KIF6: variants seen among roughly 807,000 people sequenced by gnomAD.
The protein encoded by KIF6 is kinesin family member 6, also known as kinesin-like protein KIF6.
In KIF6, 106 loss-of-function variants were observed where a neutral mutation model predicts 112.7. The observed-to-expected ratio is 0.94, with a 90% CI of 0.80 to 1.11. The LOEUF (loss-of-function observed/expected upper bound fraction) is 1.11, where lower values mean the gene tolerates loss of function less well. KIF6 is among the 50% of genes least tolerant of loss of function. The probability of loss-of-function intolerance (pLI) is 0.00; values close to 1 mark genes in which losing one functional copy is unlikely to be tolerated. For synonymous variants in KIF6, 339 were observed against 339.9 expected (o/e 1.00, Z 0.03); for missense variants, 929 against 964.0 (o/e 0.96, Z 0.48).
intron 4 of KIF6, among the ~76,000 whole-genome samples, chr6:39,635,168 C>A (rs957477674): frequency 2.0e-5 from 3 of 151,922 alleles, no homozygotes; most frequent in African/African-American, 7.2e-5. Context: ...TGATTACAAG[C>A]AACTTCAGTC....
At chr6:39,376,877 G>GA (rs538590804) in intron 16 of KIF6, among the ~76,000 whole-genome samples, 34 of 151,146 alleles carry the variant, frequency 2.2e-4, no homozygotes, top group South Asian at 6.3e-4. Context: ...TTAATGGAAA[G>GA]AAAAAAAAAG....
chr6:39,382,393 C>A (rs116687186), intron 16 of KIF6, among the ~76,000 whole-genome samples: 4,144 of 152,274 alleles, frequency 0.027, 85 homozygotes, highest in Non-Finnish European at 0.041. Flanking sequence ...AGATTTAGCT[C>A]CCACTTACAA....
chr6:39,374,634 A>G (rs1766285847), intron 16 of KIF6, among the ~76,000 whole-genome samples: 1 of 152,238 alleles, frequency 6.6e-6, no homozygotes, highest in Admixed American at 6.5e-5. Context: ...AATGCTCAAC[A>G]TCCCTAATCA....
At chr6:39,721,809 G>GT (rs5875678) in intron 1 of KIF6, among the ~76,000 whole-genome samples, 47,253 of 141,458 alleles carry the variant, frequency 0.33, 9,136 homozygotes, top group Non-Finnish European at 0.43. Context: ...AGATTTAAAG[G>GT]TTTTTTTTTT....
intron 13 of KIF6, among the ~76,000 whole-genome samples, chr6:39,452,116 T>C (rs992671037): frequency 6.6e-6 from 1 of 152,238 alleles, no homozygotes; most frequent in Non-Finnish European, 1.5e-5. Context: ...GCTCTTGGTT[T>C]ACAAATCCTG....
At chr6:39,463,052 T>C (rs1259997966) in intron 13 of KIF6, among the ~76,000 whole-genome samples, 1 of 152,176 alleles carries the variant, frequency 6.6e-6, no homozygotes, top group Non-Finnish European at 1.5e-5. Flanking sequence ...AGACAACAGC[T>C]AAGATGAAAT....
At chr6:39,420,457 TG>T in intron 14 of KIF6, among the ~76,000 whole-genome samples, 1 of 152,344 alleles carries the variant, frequency 6.6e-6, no homozygotes, top group South Asian at 2.1e-4. Flanking sequence ...TGCCTGTTTC[TG>T]TAAATAAAGT....
At chr6:39,444,066 T>C (rs1394350652) in intron 13 of KIF6, among the ~76,000 whole-genome samples, 2 of 152,166 alleles carry the variant, frequency 1.3e-5, no homozygotes, top group African/African-American at 4.8e-5. Context: ...ACTAGAGGCA[T>C]TACATATGTT....
chr6:39,338,428 AGAC>A (rs1182111150), intron 22 of KIF6, among the ~76,000 whole-genome samples: 2 of 152,230 alleles, frequency 1.3e-5, no homozygotes, highest in Admixed American at 1.3e-4. Context: ...TCTGTGTGCA[AGAC>A]CTCTGGCAGG....
intron 13 of KIF6, among the ~76,000 whole-genome samples, chr6:39,506,411 G>A (rs1776430581): frequency 6.6e-6 from 1 of 152,106 alleles, no homozygotes; most frequent in Non-Finnish European, 1.5e-5. Flanking sequence ...AATACATGCA[G>A]GGCCTAAAAC....
Position 39,335,577 on chromosome 6 carries a change from C to G in KIF6, c.*955G>C, listed in dbSNP as rs142173734. The G allele has an allele frequency of 2.0e-5, 3 of 152,324 alleles. No individual in the cohort carries two copies. Among genetic ancestry groups the G allele is most frequent in the African/African-American group, 7.2e-5 (3 of 41,542 alleles). The allele number at this position is 152,324 out of a possible 1,614,324, so 9.4% of individuals were successfully genotyped here. ...CAGTTAGCTTCATTTCCAGGTGCCA[C>G]TCCTGCTCACCCTCCGCTGCCCCTC... is the stretch of plus-strand genomic sequence containing the variant. On this transcript the variant is annotated 3_prime_UTR_variant, in exon 23 of 23. Coordinates refer to ENST00000287152, the MANE Select transcript of KIF6 (RefSeq NM_145027.6).
chr6:39,442,084 A>G (rs1268768307), intron 13 of KIF6, among the ~76,000 whole-genome samples: 1 of 152,176 alleles, frequency 6.6e-6, no homozygotes, highest in Non-Finnish European at 1.5e-5. Flanking sequence ...GAAATCACAC[A>G]TCCCACGGGC....
intron 14 of KIF6, among the ~76,000 whole-genome samples, chr6:39,421,171 G>A (rs1770333259): frequency 1.3e-5 from 2 of 152,188 alleles, no homozygotes; most frequent in African/African-American, 2.4e-5. Flanking sequence ...TGCCATTAGC[G>A]TTTGACTAGG....
intron 13 of KIF6, among the ~76,000 whole-genome samples, chr6:39,514,579 C>T (rs1285472729): frequency 3.3e-5 from 5 of 152,190 alleles, no homozygotes; most frequent in Non-Finnish European, 7.3e-5. Flanking sequence ...GGGGAATAAC[C>T]TTGCAATACA....
chr6:39,507,809 C>T (rs73412749), intron 13 of KIF6, among the ~76,000 whole-genome samples: 22,866 of 150,750 alleles, frequency 0.15, 2,037 homozygotes, highest in African/African-American at 0.24. Flanking sequence ...CCCTAAAAGG[C>T]CATCTCCTAC....
chr6:39,638,927 A>C, intron 4 of KIF6, among the ~76,000 whole-genome samples: 1 of 152,212 alleles, frequency 6.6e-6, no homozygotes, highest in South Asian at 2.1e-4. Flanking sequence ...ATAATGGCAC[A>C]AAGCACAGAG....
chr6:39,436,124 G>A (rs560323505), intron 13 of KIF6, among the ~76,000 whole-genome samples: 9 of 152,044 alleles, frequency 5.9e-5, no homozygotes, highest in Non-Finnish European at 1.2e-4. Context: ...ATGATGTTGA[G>A]CATTTTTGCA....
At chr6:39,487,353 T>C (rs543001464) in intron 13 of KIF6, among the ~76,000 whole-genome samples, 6 of 152,316 alleles carry the variant, frequency 3.9e-5, no homozygotes, top group South Asian at 2.1e-4. Context: ...GGAATTGCCC[T>C]CTGCTACTGC....
intron 10 of KIF6, among the ~76,000 whole-genome samples, chr6:39,563,734 G>A (rs1582143950): frequency 6.6e-6 from 1 of 152,162 alleles, no homozygotes; most frequent in African/African-American, 2.4e-5. Context: ...GTGGTAACAT[G>A]AAAAAAATTT....
Sources: gnomAD v4.1 joint callset for allele counts (sites outside exome capture counted in the v4.1 genomes callset) on GRCh38, gnomAD v4.1.1 for gene constraint, MANE v1.5 for transcripts, NCBI Gene and HGNC (gene_info 2026-07-23, HGNC 2026-07-21) for gene names.